The following SGCZ variants were observed in gnomAD, a reference collection of about 807,000 sequenced individuals.
SGCZ encodes sarcoglycan zeta.
A neutral mutation model predicts 41.3 loss-of-function variants in SGCZ; 40 were observed. That is an observed-to-expected ratio of 0.97 (90% CI 0.75 to 1.26). SGCZ has a LOEUF of 1.26. SGCZ is among the 50% of genes most tolerant of loss of function. SGCZ has a pLI of 0.00. For missense variants in SGCZ, 552 were observed against 369.8 expected (o/e 1.49, Z -4.04); for synonymous variants, 206 against 137.5 (o/e 1.50, Z -3.49).
chr8:15,101,465 G>A (rs1340037477), intron 1 of SGCZ, among the ~76,000 whole-genome samples: 1 of 152,008 alleles, frequency 6.6e-6, no homozygotes, highest in Non-Finnish European at 1.5e-5. Flanking sequence ...AGACACAGAT[G>A]GCAAATAAGC....
At chr8:14,978,834 T>G (rs1034886755) in intron 1 of SGCZ, among the ~76,000 whole-genome samples, 3 of 152,178 alleles carry the variant, frequency 2.0e-5, no homozygotes, top group Non-Finnish European at 2.9e-5. Flanking sequence ...GGTCTCAGTC[T>G]GTCACCCAGG....
intron 5 of SGCZ, among the ~76,000 whole-genome samples, chr8:14,113,770 A>G (rs1279692726): frequency 6.6e-6 from 1 of 152,080 alleles, no homozygotes; most frequent in Non-Finnish European, 1.5e-5. Flanking sequence ...CACTTAAAAT[A>G]TTTTAAGAAC....
chr8:15,070,033 T>G (rs1218766924), intron 1 of SGCZ, among the ~76,000 whole-genome samples: 2 of 152,188 alleles, frequency 1.3e-5, no homozygotes, highest in African/African-American at 4.8e-5. Flanking sequence ...TAAGATTCCC[T>G]GCCTGATCAA....
chr8:14,602,169 T>C (rs1443091588), intron 1 of SGCZ, among the ~76,000 whole-genome samples: 2 of 152,028 alleles, frequency 1.3e-5, no homozygotes, highest in Non-Finnish European at 2.9e-5. Flanking sequence ...ATGATGTGGA[T>C]ATATGGTAAT....
intron 1 of SGCZ, among the ~76,000 whole-genome samples, chr8:14,702,366 T>A (rs1358982873): frequency 1.3e-5 from 2 of 151,888 alleles, no homozygotes; most frequent in Non-Finnish European, 2.9e-5. Context: ...ATCCACACAC[T>A]CTTCTTAAGT....
At chr8:14,586,635 C>G (rs577694379) in intron 1 of SGCZ, among the ~76,000 whole-genome samples, 7 of 152,114 alleles carry the variant, frequency 4.6e-5, no homozygotes, top group Admixed American at 1.3e-4. Context: ...CAAAGTTAGG[C>G]AAAGAACAGC....
At chr8:14,553,306 T>C (rs1256739699) in intron 2 of SGCZ, among the ~76,000 whole-genome samples, 1 of 152,002 alleles carries the variant, frequency 6.6e-6, no homozygotes, top group Non-Finnish European at 1.5e-5. Flanking sequence ...GAGAATCTCA[T>C]AAGGGAGAAT....
At chr8:14,185,559 T>A (rs182469642) in intron 4 of SGCZ, among the ~76,000 whole-genome samples, 1 of 152,336 alleles carries the variant, frequency 6.6e-6, no homozygotes, top group Admixed American at 6.5e-5. Context: ...CTCACTAGCA[T>A]CTGACTCATT....
chr8:15,034,462 T>C (rs899731308), intron 1 of SGCZ, among the ~76,000 whole-genome samples: 1 of 152,044 alleles, frequency 6.6e-6, no homozygotes, highest in Non-Finnish European at 1.5e-5. Context: ...AAAAGATCTA[T>C]GGGAATACAA....
intron 1 of SGCZ, among the ~76,000 whole-genome samples, chr8:15,220,647 A>T (rs537913769): frequency 6.6e-6 from 1 of 152,248 alleles, no homozygotes; most frequent in Non-Finnish European, 1.5e-5. Context: ...ATTTGACCCC[A>T]TGATGCCATT....
At chr8:14,347,091 G>A (rs975667785) in intron 2 of SGCZ, among the ~76,000 whole-genome samples, 8 of 151,956 alleles carry the variant, frequency 5.3e-5, no homozygotes, top group Admixed American at 4.6e-4. Context: ...GTTGCCAGAG[G>A]CTACAATTTC....
At chr8:15,072,249 C>A (rs1410286843) in intron 1 of SGCZ, among the ~76,000 whole-genome samples, 1 of 151,988 alleles carries the variant, frequency 6.6e-6, no homozygotes, top group Non-Finnish European at 1.5e-5. Context: ...CCTTTAGGTA[C>A]AAAACTCCTT....
chr8:14,654,109 A>G (rs1807485638), intron 1 of SGCZ, among the ~76,000 whole-genome samples: 2 of 151,168 alleles, frequency 1.3e-5, no homozygotes, highest in South Asian at 2.1e-4. Flanking sequence ...TAACTTTTGC[A>G]TATATATATA....
At chr8:14,952,927 T>C (rs749375516) in intron 1 of SGCZ, among the ~76,000 whole-genome samples, 2 of 152,050 alleles carry the variant, frequency 1.3e-5, no homozygotes, top group Admixed American at 6.6e-5. Flanking sequence ...CAGCTACAAA[T>C]GAAATCAACA....
chr8:14,376,283 C>T (rs983281680), intron 2 of SGCZ, among the ~76,000 whole-genome samples: 4 of 151,788 alleles, frequency 2.6e-5, no homozygotes, highest in African/African-American at 9.7e-5. Flanking sequence ...TGCACTCTAG[C>T]CTGGGCAACA....
chr8:15,071,272 G>T (rs1247425967), intron 1 of SGCZ, among the ~76,000 whole-genome samples: 1 of 152,132 alleles, frequency 6.6e-6, no homozygotes, highest in Admixed American at 6.5e-5. Context: ...TACAGGAAAA[G>T]ACTGTGTGTT....
intron 1 of SGCZ, among the ~76,000 whole-genome samples, chr8:14,642,361 TAA>T (rs995323939): frequency 2.0e-5 from 3 of 151,638 alleles, no homozygotes; most frequent in Admixed American, 6.6e-5. Context: ...AGAAAAAGTC[TAA>T]GAGATGGTCA....
At chr8:15,152,785 T>C (rs974028847) in intron 1 of SGCZ, among the ~76,000 whole-genome samples, 1 of 152,190 alleles carries the variant, frequency 6.6e-6, no homozygotes, top group African/African-American at 2.4e-5. Flanking sequence ...AACACTAGTA[T>C]TGTCTAGAGC....
At chr8:14,765,132 C>T (rs577381167) in intron 1 of SGCZ, among the ~76,000 whole-genome samples, 8 of 152,186 alleles carry the variant, frequency 5.3e-5, no homozygotes, top group African/African-American at 1.7e-4. Context: ...GCTCCTGTGA[C>T]AGCCACACCC....
Sources: allele counts gnomAD v4.1 joint callset (sites outside exome capture counted in the v4.1 genomes callset), GRCh38; gene constraint gnomAD v4.1.1; transcripts MANE v1.5; gene names NCBI Gene and HGNC (gene_info 2026-07-23, HGNC 2026-07-21).